The following CERS4 variants were observed in gnomAD, a reference collection of about 807,000 sequenced individuals.
CERS4 encodes ceramide synthase 4, also known as LAG1 homolog, ceramide synthase 4.
Under a neutral mutation model 51.8 loss-of-function variants are expected in CERS4, and 65 were observed. That is an observed-to-expected ratio of 1.26 (90% CI 1.03 to 1.54). CERS4 has a LOEUF of 1.54. Among genes scored for constraint, CERS4 ranks in the 40% most tolerant of loss-of-function variants. CERS4 has a pLI of 0.00. For synonymous variants in CERS4, 228 were observed against 208.4 expected (o/e 1.09, Z -0.81); for missense variants, 563 against 500.4 (o/e 1.13, Z -1.19).
Position 8,261,939 on chromosome 19 carries a change from G to A in CERS4, c.1015G>A (p.Asp339Asn), listed in dbSNP as rs1169724493. 1 of 1,607,896 alleles carries A rather than the reference G, an allele frequency of 6.2e-7. No homozygotes were observed. The highest frequency in any genetic ancestry group is 8.5e-7 in the Non-Finnish European group (1 of 1,176,848). The change falls in exon 12 of 12, where the codon GAC (aspartate) becomes AAC (asparagine). Residue 339 changes from aspartate to asparagine, a missense_variant. Transcript: ENST00000251363. ...SFMKKGQMEKDIRSDVEESDS... is the reference protein window; with the variant it reads ...SFMKKGQMEKNIRSDVEESDS... The stretch of plus-strand genomic sequence containing the variant: ...TCTCTCTGTTCCCCAGATGGAGAAG[G>A]ACATTCGTAGTGATGTAGAAGAATC...
At position 8,256,990 on chromosome 19, in the gene CERS4, C is replaced by T. The variant is rs760884666; in HGVS notation, c.654C>T (p.Ile218=). ...TGATACACCACTTCGTGGCGGTCAT[C>T]CTGATGACCTTCTCCTACAGTGCCA... ...EQVIHHFVAV[I]LMTFSYSANL... is the part of the protein sequence containing the mutation. Residue 218 remains isoleucine (I), a synonymous_variant, in exon 9 of 12, where the codon ATC becomes ATT. Coordinates refer to ENST00000251363, the MANE Select transcript of CERS4 (RefSeq NM_024552.3). 4 of 1,614,126 alleles carry T rather than the reference C, an allele frequency of 2.5e-6. No homozygotes were observed. The highest frequency in any genetic ancestry group is 2.2e-5 in the East Asian group (1 of 44,886).
At chr19:8,238,881 T>C (rs1296813157) in intron 2 of CERS4, among the ~76,000 whole-genome samples, 1 of 151,934 alleles carries the variant, frequency 6.6e-6, no homozygotes, top group Non-Finnish European at 1.5e-5. Context: ...GGAGAATGGC[T>C]CAAGACCAGG....
rs780858343 is a variant in CERS4, at chr19:8,257,017, C to T, written c.681C>T (p.Asn227=). 6.2e-7 allele frequency: 1 copy of T among 1,613,768 alleles called. No individual in the cohort carries two copies. The highest frequency in any genetic ancestry group is 1.1e-5 in the South Asian group (1 of 91,046). Residue 227 remains asparagine, a synonymous_variant, in exon 9 of 12, where the codon AAC becomes AAT. Transcript: ENST00000251363. ...TGATGACCTTCTCCTACAGTGCCAACCTGCTGCGCATTGGCTCTCTGGTGC... is the reference window on the plus strand; with the variant it reads ...TGATGACCTTCTCCTACAGTGCCAATCTGCTGCGCATTGGCTCTCTGGTGC... The part of the protein sequence containing the change: ...VILMTFSYSA[N]LLRIGSLVLL...
At chr19:8,247,476 G>A (rs1014522271) in intron 2 of CERS4, among the ~76,000 whole-genome samples, 7 of 152,014 alleles carry the variant, frequency 4.6e-5, no homozygotes, top group African/African-American at 1.4e-4. Context: ...CTGGAGTATA[G>A]TGGTGTGATC....
intron 2 of CERS4, among the ~76,000 whole-genome samples, chr19:8,248,867 TG>T (rs1968913667): frequency 7.2e-6 from 1 of 138,142 alleles, no homozygotes; most frequent in African/African-American, 2.8e-5. Flanking sequence ...GGTGGGTGGA[TG>T]GATGGTGGGT....
intron 2 of CERS4, among the ~76,000 whole-genome samples, chr19:8,237,298 T>G (rs2084182003): frequency 1.3e-5 from 2 of 152,032 alleles, no homozygotes; most frequent in Admixed American, 6.6e-5. Context: ...ATGCCTGTAC[T>G]CTCAGCACTT....
At chr19:8,216,263 C>T (rs558456675) in intron 2 of CERS4, among the ~76,000 whole-genome samples, 27 of 151,802 alleles carry the variant, frequency 1.8e-4, no homozygotes, top group African/African-American at 6.3e-4. Flanking sequence ...CCTGTAATCC[C>T]AGCTGCTTGG....
At chr19:8,249,105 G>C (rs1484365865) in intron 2 of CERS4, among the ~76,000 whole-genome samples, 1 of 149,094 alleles carries the variant, frequency 6.7e-6, no homozygotes, top group African/African-American at 2.5e-5. Flanking sequence ...TGGGCGAACA[G>C]ATGGATGATG....
intron 2 of CERS4, among the ~76,000 whole-genome samples, chr19:8,230,197 T>A (rs1599534369): frequency 6.6e-6 from 1 of 152,156 alleles, no homozygotes; most frequent in Non-Finnish European, 1.5e-5. Flanking sequence ...TTTCTTTTTT[T>A]TTCTTTTTTT....
intron 2 of CERS4, among the ~76,000 whole-genome samples, chr19:8,220,305 C>T (rs1967477257): frequency 6.6e-6 from 1 of 151,888 alleles, no homozygotes; most frequent in Admixed American, 6.6e-5. Context: ...CTTCAGCCTC[C>T]CTCTCTCTTC....
chr19:8,228,300 A>G (rs1381784980), intron 2 of CERS4, among the ~76,000 whole-genome samples: 2 of 152,186 alleles, frequency 1.3e-5, no homozygotes, highest in African/African-American at 4.8e-5. Context: ...CAACCATGTG[A>G]AATATTTAAT....
intron 2 of CERS4, among the ~76,000 whole-genome samples, chr19:8,215,492 C>A (rs200832348): frequency 3.2e-4 from 46 of 145,254 alleles, no homozygotes; most frequent in East Asian, 6.4e-4. Flanking sequence ...AAAAAAAAAA[C>A]AAAAAACAAG....
chr19:8,229,395 TTTC>T (rs201736418), intron 2 of CERS4, among the ~76,000 whole-genome samples: 122 of 91,432 alleles, frequency 1.3e-3, no homozygotes, highest in East Asian at 4.3e-3. Context: ...TTTCTTCTTT[TTTC>T]TTCTTCTTCT....
chr19:8,261,415 G>C (rs1254791470), intron 10 of CERS4: 2 of 463,668 alleles, frequency 4.3e-6, no homozygotes, highest in Non-Finnish European at 7.8e-6. Context: ...TGCCACCCAG[G>C]AAAGCAGCTG....
At chr19:8,261,571 A>C (rs955373241) in intron 10 of CERS4, 117 bp from the exon 11 acceptor site, 3 of 1,179,466 alleles carry the variant, frequency 2.5e-6, no homozygotes, top group African/African-American at 1.5e-5. Context: ...GGTGGGGGGC[A>C]CTAGGGAGCC....
At chr19:8,238,866 T>C (rs1968389620) in intron 2 of CERS4, among the ~76,000 whole-genome samples, 1 of 151,808 alleles carries the variant, frequency 6.6e-6, no homozygotes, top group South Asian at 2.1e-4. Context: ...TGGGAAGCCA[T>C]AGTGGGAGAA....
intron 2 of CERS4, among the ~76,000 whole-genome samples, chr19:8,244,396 A>G (rs1968667135): frequency 6.6e-6 from 1 of 152,192 alleles, no homozygotes; most frequent in South Asian, 2.1e-4. Flanking sequence ...TCCAGTATAT[A>G]CTATATTATT....
At chr19:8,227,009 T>C (rs1967815036) in intron 2 of CERS4, among the ~76,000 whole-genome samples, 1 of 152,122 alleles carries the variant, frequency 6.6e-6, no homozygotes, top group African/African-American at 2.4e-5. Context: ...ATGCCTGTAG[T>C]CCCAGCTACT....
At chr19:8,260,530 A>G (rs1969628608) in intron 10 of CERS4, among the ~76,000 whole-genome samples, 1 of 92,392 alleles carries the variant, frequency 1.1e-5, no homozygotes, top group African/African-American at 5.5e-5. Flanking sequence ...AAGGAGTTCC[A>G]AGGAAAAAAA....
Sources: allele counts gnomAD v4.1 joint callset (sites outside exome capture counted in the v4.1 genomes callset), GRCh38; gene constraint gnomAD v4.1.1; transcripts MANE v1.5; gene names NCBI Gene and HGNC (gene_info 2026-07-23, HGNC 2026-07-21).